TASP1: variants seen among roughly 807,000 people sequenced by gnomAD.
TASP1 encodes the protein threonine aspartase 1.
Under a neutral mutation model 56.6 loss-of-function variants are expected in TASP1, and 16 were observed. The ratio of observed to expected loss-of-function variants is 0.28; its 90% CI spans 0.19 to 0.43. TASP1 has a LOEUF of 0.43. TASP1 is among the 20% of genes least tolerant of loss of function. The pLI, the probability that TASP1 is intolerant of heterozygous loss-of-function variation, is 1.00. For missense variants in TASP1, 393 were observed against 511.6 expected (o/e 0.77, Z 2.24); for synonymous variants, 179 against 184.2 (o/e 0.97, Z 0.23).
the TASP1 span, among the ~76,000 whole-genome samples, chr20:13,342,760 T>G: frequency 6.6e-6 from 1 of 152,122 alleles, no homozygotes; most frequent in Non-Finnish European, 1.5e-5. Flanking sequence ...AGTGCCTCAT[T>G]CAATGAAATC....
At chr20:13,534,803 A>G (rs1330078606) in intron 8 of TASP1, among the ~76,000 whole-genome samples, 1 of 152,180 alleles carries the variant, frequency 6.6e-6, no homozygotes, top group Non-Finnish European at 1.5e-5. Flanking sequence ...TTTAAGGCAC[A>G]TAGTGATATT....
At chr20:13,563,756 C>T (rs1305909978) in intron 7 of TASP1, among the ~76,000 whole-genome samples, 1 of 151,670 alleles carries the variant, frequency 6.6e-6, no homozygotes, top group Non-Finnish European at 1.5e-5. Flanking sequence ...CCTCCCGCCT[C>T]AGCCTCCCAA....
Position 13,552,474 on chromosome 20 carries a change from G to A in TASP1, c.675+6534C>T, listed in dbSNP as rs191517275. Among the ~76,000 whole-genome samples, 315 of 152,272 alleles carry A rather than the reference G, an allele frequency of 2.1e-3. 1 individual carries two copies. The highest frequency in any genetic ancestry group is 3.4e-3 in the Middle Eastern group (1 of 294). ...AGTTATACGAGAAATAAGTGACCAC[G>A]GGCATGTCTGACACTGCTGCCATTA... On this transcript the variant is annotated intron_variant, in intron 8 of 13. Transcript: ENST00000337743.
Position 13,534,113 on chromosome 20 carries a change from A to G in TASP1, c.704T>C (p.Val235Ala), listed in dbSNP as rs974594411. Residue 235 changes from valine to alanine, a missense_variant, in exon 9 of 14, where the codon GTA becomes GCA. Around this residue, in one of 3 missense-constraint regions of TASP1, gnomAD observed 293 missense variants for 354.2 expected, o/e 0.83. Transcript: ENST00000337743. ...KENDSGTLDT[V>A]GAVVVDHEGN... is the part of the protein sequence containing the mutation. The stretch of plus-strand genomic sequence containing the variant: ...TTCGTGGTCCACAACCACAGCGCCT[A>G]CCGTGTCCAAAGTGCCTGAGTCATT... The G allele has an allele frequency of 1.4e-5, 23 of 1,613,506 alleles. No homozygotes were observed. Among genetic ancestry groups the G allele is most frequent in the Non-Finnish European group, 3.4e-6 (4 of 1,179,690 alleles).
the TASP1 span, among the ~76,000 whole-genome samples, chr20:13,120,131 C>T: frequency 6.6e-6 from 1 of 152,064 alleles, no homozygotes; most frequent in Non-Finnish European, 1.5e-5. Context: ...TCGGCAAATA[C>T]TAAAGATTTT....
the TASP1 span, chr20:13,368,657 AC>A: frequency 3.9e-5 from 6 of 152,282 alleles, no homozygotes; most frequent in African/African-American, 1.2e-4. Flanking sequence ...CACACTGGAA[AC>A]AGTAGGGACC....
intron 10 of TASP1, among the ~76,000 whole-genome samples, chr20:13,523,784 C>A (rs970060005): frequency 2.6e-5 from 4 of 152,082 alleles, no homozygotes; most frequent in African/African-American, 9.7e-5. Context: ...GGCCTCACAG[C>A]AGAAACAAGG....
chr20:13,466,524 A>T (rs1191601065), intron 11 of TASP1, among the ~76,000 whole-genome samples: 1 of 152,148 alleles, frequency 6.6e-6, no homozygotes, highest in African/African-American at 2.4e-5. Flanking sequence ...AGGCAGGAAG[A>T]TCACAAGGTC....
the TASP1 span, among the ~76,000 whole-genome samples, chr20:13,278,150 G>A: frequency 6.6e-6 from 1 of 152,180 alleles, no homozygotes; most frequent in Non-Finnish European, 1.5e-5. Context: ...CTATGCGATG[G>A]CCAAAGGAAC....
chr20:13,400,430 G>A (rs1018840424), intron 13 of TASP1, among the ~76,000 whole-genome samples: 7 of 152,188 alleles, frequency 4.6e-5, no homozygotes, highest in African/African-American at 1.7e-4. Flanking sequence ...AGCCATCAAT[G>A]GAAGAAATCA....
intron 4 of TASP1, among the ~76,000 whole-genome samples, chr20:13,604,029 C>T (rs1568639022): frequency 6.6e-6 from 1 of 152,156 alleles, no homozygotes; most frequent in Non-Finnish European, 1.5e-5. Context: ...CTAGAATCTC[C>T]CCTTACCTGT....
In TASP1 at chr20:13,597,204, C is replaced by A. The variant is rs188701583; in HGVS notation, c.283-9834G>T. On this transcript the variant is annotated intron_variant, in intron 4 of 13. Transcript: ENST00000337743. ...TTATGAGGCCAGCATCATCCTTATACCAAAGCCTGGCGGAGACACAACAGA... is the reference window on the plus strand; with the variant it reads ...TTATGAGGCCAGCATCATCCTTATAACAAAGCCTGGCGGAGACACAACAGA... Among the ~76,000 whole-genome samples, 4 of 152,324 alleles carry A rather than the reference C, an allele frequency of 2.6e-5. No homozygotes were observed. In the East Asian group the frequency reaches 5.8e-4, roughly 22 times the overall value.
the TASP1 span, among the ~76,000 whole-genome samples, chr20:13,364,744 T>G: frequency 1.7e-4 from 26 of 152,254 alleles, no homozygotes; most frequent in South Asian, 4.4e-3. Flanking sequence ...CTGGGGTAGT[T>G]TGCTGTTCGT....
intron 4 of TASP1, among the ~76,000 whole-genome samples, chr20:13,589,936 A>C (rs1445536634): frequency 6.6e-6 from 1 of 152,210 alleles, no homozygotes; most frequent in African/African-American, 2.4e-5. Flanking sequence ...TCAATTCTAA[A>C]AACAGAAAAA....
At chr20:13,220,200 A>G in the TASP1 span, among the ~76,000 whole-genome samples, 1 of 152,166 alleles carries the variant, frequency 6.6e-6, no homozygotes, top group Non-Finnish European at 1.5e-5. Context: ...GCGCAGTATA[A>G]AAGTCCCGGC....
the TASP1 span, among the ~76,000 whole-genome samples, chr20:13,120,721 C>G: frequency 6.6e-6 from 1 of 152,154 alleles, no homozygotes; most frequent in Non-Finnish European, 1.5e-5. Flanking sequence ...CTAGAGGAAA[C>G]AGAGGTTTTG....
At chr20:13,228,157 G>A in the TASP1 span, among the ~76,000 whole-genome samples, 1 of 151,638 alleles carries the variant, frequency 6.6e-6, no homozygotes, top group African/African-American at 2.4e-5. Context: ...ATTTTTAGTA[G>A]AGATGGAGTT....
chr20:13,364,277 A>G, the TASP1 span, among the ~76,000 whole-genome samples: 4 of 152,170 alleles, frequency 2.6e-5, no homozygotes, highest in African/African-American at 9.7e-5. Context: ...CCCATTTTGC[A>G]TTATAAAATG....
chr20:13,590,774 G>A (rs900574675), intron 4 of TASP1, among the ~76,000 whole-genome samples: 15 of 152,012 alleles, frequency 9.9e-5, no homozygotes, highest in African/African-American at 3.6e-4. Flanking sequence ...GCTGAGGCAG[G>A]AGAATCACTT....
Sources: gnomAD v4.1 joint callset for allele counts (sites outside exome capture counted in the v4.1 genomes callset) on GRCh38, gnomAD v4.1.1 for gene constraint, gnomAD v4.1.1 regional missense constraint, MANE v1.5 for transcripts, NCBI Gene and HGNC (gene_info 2026-07-23, HGNC 2026-07-21) for gene names.